Variants in ERC2 observed in about 807,000 individuals in gnomAD.
ERC2 encodes the protein ERC protein 2.
A neutral mutation model predicts 114.8 loss-of-function variants in ERC2; 42 were observed. The ratio of observed to expected loss-of-function variants is 0.37; its 90% CI spans 0.29 to 0.47. The LOEUF (loss-of-function observed/expected upper bound fraction) is 0.47. ERC2 is among the 20% of genes least tolerant of loss of function. The pLI, the probability that ERC2 is intolerant of heterozygous loss-of-function variation, is 0.99. For missense variants in ERC2, 939 were observed against 1,150.7 expected, an observed-to-expected ratio of 0.82 and a Z score of 2.66; for synonymous variants, 454 against 425.5, an observed-to-expected ratio of 1.07 and a Z score of -0.82.
chr3:55,601,533 G>A (rs1274614369), intron 17 of ERC2, among the ~76,000 whole-genome samples: 2 of 152,202 alleles, frequency 1.3e-5, no homozygotes, highest in Admixed American at 6.5e-5. Context: ...CAACCAGCGA[G>A]CTGTCCTTCG....
At chr3:55,666,887 T>G (rs979548019) in intron 17 of ERC2, among the ~76,000 whole-genome samples, 1 of 151,026 alleles carries the variant, frequency 6.6e-6, no homozygotes, top group Admixed American at 6.6e-5. Flanking sequence ...GGGTCCAGTT[T>G]TCTTCTCTTT....
At chr3:56,206,631 T>G (rs2048754962) in intron 3 of ERC2, among the ~76,000 whole-genome samples, 1 of 152,216 alleles carries the variant, frequency 6.6e-6, no homozygotes, top group Non-Finnish European at 1.5e-5. Flanking sequence ...TATATGTGAT[T>G]TGCTGAATAC....
chr3:56,248,278 C>A (rs1372612785), intron 3 of ERC2, among the ~76,000 whole-genome samples: 5 of 152,030 alleles, frequency 3.3e-5, no homozygotes, highest in Non-Finnish European at 7.4e-5. Flanking sequence ...ATTTTTTTTA[C>A]AGACAGAGTC....
At chr3:56,313,951 C>T (rs952398268) in intron 2 of ERC2, among the ~76,000 whole-genome samples, 2 of 152,150 alleles carry the variant, frequency 1.3e-5, no homozygotes, top group African/African-American at 2.4e-5. Context: ...CTAAAGTACC[C>T]TTTAGGACTA....
At chr3:56,334,799 A>ATTTG (rs138266284) in intron 2 of ERC2, among the ~76,000 whole-genome samples, 80 of 152,014 alleles carry the variant, frequency 5.3e-4, no homozygotes, top group East Asian at 4.8e-3. Context: ...AAATCTATTT[A>ATTTG]TTTGTTTGTT....
chr3:56,333,714 T>G (rs981017045), intron 2 of ERC2, among the ~76,000 whole-genome samples: 1 of 152,146 alleles, frequency 6.6e-6, no homozygotes, highest in African/African-American at 2.4e-5. Context: ...TTTTTCATTT[T>G]CAGGAAAAAG....
At chr3:56,029,486 C>A (rs1034401564) in intron 7 of ERC2, among the ~76,000 whole-genome samples, 2 of 152,070 alleles carry the variant, frequency 1.3e-5, no homozygotes, top group Admixed American at 6.5e-5. Context: ...AGCCTTTTAA[C>A]TACACCTTCA....
At chr3:56,066,235 C>T (rs1309356382) in intron 7 of ERC2, among the ~76,000 whole-genome samples, 1 of 152,164 alleles carries the variant, frequency 6.6e-6, no homozygotes, top group East Asian at 1.9e-4. Flanking sequence ...TAATAATCGC[C>T]ATTCTAACCG....
chr3:56,296,359 T>G lies in ERC2; in HGVS notation c.734A>C (p.Glu245Ala). 6.2e-7 allele frequency: 1 copy of G among 1,614,054 alleles called. No homozygotes were observed. The highest frequency in any genetic ancestry group is 8.5e-7 in the Non-Finnish European group (1 of 1,179,886). The change falls in exon 3 of 18, where the codon GAG becomes GCG. Residue 245 changes from glutamate to alanine, a missense_variant. Around this residue, in one of 5 missense-constraint regions of ERC2, gnomAD observed 281 missense variants for 307.4 expected, o/e 0.91. Coordinates refer to ENST00000288221, the MANE Select transcript of ERC2 (RefSeq NM_015576.3). ...QRDLNHLLQQ[E>A]SGNRGAEHFT... ...GTGCTCCGCTCCTCGGTTGCCACTC[T>G]CTTGCTGGAGGAGGTGGTTGAGGTC...
At chr3:56,290,687 G>A (rs1299816557) in intron 3 of ERC2, among the ~76,000 whole-genome samples, 1 of 152,186 alleles carries the variant, frequency 6.6e-6, no homozygotes, top group Non-Finnish European at 1.5e-5. Flanking sequence ...AGATTATACA[G>A]GACAAGTTTG....
chr3:55,961,499 TG>T (rs1471171142), intron 12 of ERC2, among the ~76,000 whole-genome samples: 1 of 152,176 alleles, frequency 6.6e-6, no homozygotes, highest in East Asian at 1.9e-4. Context: ...CTGTCTTCCT[TG>T]TTCTGCTATA....
At chr3:56,089,481 A>G (rs1004191766) in intron 6 of ERC2, among the ~76,000 whole-genome samples, 2 of 152,164 alleles carry the variant, frequency 1.3e-5, no homozygotes, top group African/African-American at 2.4e-5. Flanking sequence ...ATTAATTTTA[A>G]TAAAATATTT....
At chr3:55,641,713 A>T (rs1367684241) in intron 17 of ERC2, among the ~76,000 whole-genome samples, 1 of 152,102 alleles carries the variant, frequency 6.6e-6, no homozygotes, top group African/African-American at 2.4e-5. Context: ...TTCCCTACTG[A>T]TGCCTCTCTC....
intron 11 of ERC2, among the ~76,000 whole-genome samples, chr3:55,987,348 G>A (rs78351944): frequency 6.6e-6 from 1 of 152,300 alleles, no homozygotes; most frequent in African/African-American, 2.4e-5. Context: ...AACTGAAATA[G>A]CAAGCACACA....
At chr3:56,155,899 T>C (rs2081690751) in intron 4 of ERC2, among the ~76,000 whole-genome samples, 1 of 152,144 alleles carries the variant, frequency 6.6e-6, no homozygotes, top group Non-Finnish European at 1.5e-5. Context: ...TCAAATAATA[T>C]AGATCATGTT....
At chr3:56,038,395 G>C (rs553440238) in intron 7 of ERC2, among the ~76,000 whole-genome samples, 1 of 151,974 alleles carries the variant, frequency 6.6e-6, no homozygotes, top group Non-Finnish European at 1.5e-5. Flanking sequence ...ACTATCTCAC[G>C]CCAGTCAAAT....
intron 14 of ERC2, among the ~76,000 whole-genome samples, chr3:55,860,742 C>G (rs1245638504): frequency 6.6e-6 from 1 of 152,188 alleles, no homozygotes; most frequent in Non-Finnish European, 1.5e-5. Flanking sequence ...AAGTTTTTCT[C>G]TGTTGCCAAA....
At chr3:56,425,406 C>T (rs2061529632) in intron 2 of ERC2, among the ~76,000 whole-genome samples, 1 of 152,128 alleles carries the variant, frequency 6.6e-6, no homozygotes, top group Admixed American at 6.5e-5. Flanking sequence ...CACACATAGA[C>T]AGAGGCAGAC....
chr3:56,310,511 T>G (rs143892546), intron 2 of ERC2, among the ~76,000 whole-genome samples: 1 of 152,238 alleles, frequency 6.6e-6, no homozygotes, highest in Admixed American at 6.5e-5. Flanking sequence ...TTACCTAAAT[T>G]AATATCATTT....
Sources: gnomAD v4.1 joint callset for allele counts (sites outside exome capture counted in the v4.1 genomes callset) on GRCh38, gnomAD v4.1.1 for gene constraint, gnomAD v4.1.1 regional missense constraint, MANE v1.5 for transcripts, NCBI Gene and HGNC (gene_info 2026-07-23, HGNC 2026-07-21) for gene names.